The following SLC35F1 variants were observed in gnomAD, a reference collection of about 807,000 sequenced individuals.
SLC35F1 encodes the protein chromosome 6 open reading frame 169.
SLC35F1 carries 14 observed loss-of-function variants against 48.7 expected under a neutral mutation model. That is an observed-to-expected ratio of 0.29 (90% CI 0.19 to 0.45). The LOEUF is 0.45. Ranked by LOEUF, SLC35F1 falls within the 20% of genes least tolerant of loss-of-function variation. The pLI is 1.00. For missense variants in SLC35F1, 404 were observed against 500.0 expected (o/e 0.81, Z 1.83); for synonymous variants, 190 against 202.2 (o/e 0.94, Z 0.51).
intron 1 of SLC35F1, among the ~76,000 whole-genome samples, chr6:117,980,989 C>T (rs186929230): frequency 3.5e-4 from 54 of 152,156 alleles, no homozygotes; most frequent in Non-Finnish European, 6.2e-4. Context: ...TGTAGGAATA[C>T]CAGTTAGTGG....
intron 1 of SLC35F1, among the ~76,000 whole-genome samples, chr6:118,077,688 T>A (rs1452170410): frequency 6.6e-6 from 1 of 152,100 alleles, no homozygotes; most frequent in African/African-American, 2.4e-5. Context: ...ATTTAGAAGC[T>A]TTGTCAGCAT....
At chr6:118,289,742 C>T (rs1014333938) in intron 7 of SLC35F1, among the ~76,000 whole-genome samples, 1 of 152,094 alleles carries the variant, frequency 6.6e-6, no homozygotes, top group African/African-American at 2.4e-5. Context: ...AAATATAAAA[C>T]ATAGTCATGC....
chr6:118,216,337 A>C (rs370161222), intron 2 of SLC35F1, among the ~76,000 whole-genome samples: 8 of 151,810 alleles, frequency 5.3e-5, no homozygotes, highest in Middle Eastern at 3.4e-3. Flanking sequence ...GATTACAGGC[A>C]TGAGCCACAG....
At chr6:118,055,122 G>A (rs1772445987) in intron 1 of SLC35F1, among the ~76,000 whole-genome samples, 1 of 152,194 alleles carries the variant, frequency 6.6e-6, no homozygotes, top group Non-Finnish European at 1.5e-5. Context: ...TATTGAAAGA[G>A]TATTTGGATA....
At chr6:117,943,732 T>C (rs1776261429) in intron 1 of SLC35F1, among the ~76,000 whole-genome samples, 1 of 152,196 alleles carries the variant, frequency 6.6e-6, no homozygotes, top group African/African-American at 2.4e-5. Flanking sequence ...AAGTTTCCCA[T>C]ATTTGTAGGT....
At chr6:118,281,204 C>CTCTATATA (rs367855949) in intron 6 of SLC35F1, among the ~76,000 whole-genome samples, 1,940 of 130,390 alleles carry the variant, frequency 0.015, 20 homozygotes, top group African/African-American at 0.018. Flanking sequence ...CTCTCTCTCT[C>CTCTATATA]TATATATATA....
chr6:118,292,637 G>A (rs1222787571), intron 7 of SLC35F1, among the ~76,000 whole-genome samples: 2 of 151,690 alleles, frequency 1.3e-5, no homozygotes, highest in Admixed American at 6.6e-5. Context: ...TATCCACGCA[G>A]AACTAAATGA....
intron 1 of SLC35F1, among the ~76,000 whole-genome samples, chr6:117,908,276 C>G (rs1195728346): frequency 6.6e-6 from 1 of 152,198 alleles, no homozygotes. Flanking sequence ...GGGACCCGGC[C>G]AGGGCTGAGG....
intron 2 of SLC35F1, among the ~76,000 whole-genome samples, chr6:118,225,028 C>T (rs1266230596): frequency 1.3e-5 from 2 of 152,072 alleles, no homozygotes; most frequent in Non-Finnish European, 2.9e-5. Context: ...TTGAAGAGGA[C>T]ACACAAAAAA....
intron 1 of SLC35F1, among the ~76,000 whole-genome samples, chr6:117,993,185 T>G (rs1191770481): frequency 6.6e-6 from 1 of 152,150 alleles, no homozygotes; most frequent in Non-Finnish European, 1.5e-5. Flanking sequence ...TGGCCAGAGC[T>G]GGGGCATAGC....
intron 1 of SLC35F1, among the ~76,000 whole-genome samples, chr6:118,145,418 A>T (rs924998330): frequency 1.3e-5 from 2 of 152,220 alleles, no homozygotes; most frequent in Admixed American, 6.5e-5. Context: ...TTGTTGATTT[A>T]AAAATAATTC....
intron 1 of SLC35F1, among the ~76,000 whole-genome samples, chr6:117,947,419 C>G (rs1458811990): frequency 6.6e-6 from 1 of 152,126 alleles, no homozygotes; most frequent in Non-Finnish European, 1.5e-5. Flanking sequence ...TTACTCCTAG[C>G]ACAATGAGTC....
At chr6:118,069,442 A>T in intron 1 of SLC35F1, among the ~76,000 whole-genome samples, 1 of 152,206 alleles carries the variant, frequency 6.6e-6, no homozygotes, top group Non-Finnish European at 1.5e-5. Flanking sequence ...GTATTATTTA[A>T]TATCTTTTTT....
chr6:117,945,822 G>A (rs1411743224), intron 1 of SLC35F1, among the ~76,000 whole-genome samples: 1 of 152,108 alleles, frequency 6.6e-6, no homozygotes, highest in Non-Finnish European at 1.5e-5. Context: ...TTTAATTTTG[G>A]AAAAAGTGTA....
intron 7 of SLC35F1, among the ~76,000 whole-genome samples, chr6:118,303,311 C>T (rs970493508): frequency 1.3e-5 from 2 of 152,170 alleles, no homozygotes; most frequent in African/African-American, 4.8e-5. Context: ...AAGTTGAGTC[C>T]TTCCCCTATG....
At chr6:117,999,186 C>G in intron 1 of SLC35F1, 1 of 1,595,052 alleles carries the variant, frequency 6.3e-7, no homozygotes, top group South Asian at 1.1e-5. Context: ...CGTGCCGAGG[C>G]TATCAAGGCC....
At chr6:118,066,196 A>C (rs1377219680) in intron 1 of SLC35F1, among the ~76,000 whole-genome samples, 1 of 152,208 alleles carries the variant, frequency 6.6e-6, no homozygotes, top group Non-Finnish European at 1.5e-5. Flanking sequence ...AATTTGGCTT[A>C]TTTCTAATAT....
rs180965005 is a variant in SLC35F1, at chr6:118,206,872, T to C, written c.350-28637T>C. On this transcript the variant is annotated intron_variant, in intron 2 of 7. Transcript: ENST00000360388. The stretch of plus-strand genomic sequence containing the variant: ...TTTCCCTGCTGAAGCTCTTAGCATT[T>C]AGAAAATTCAGGATTAAACAACTTG... Among the ~76,000 whole-genome samples, 296 of 152,314 alleles carry C rather than the reference T, an allele frequency of 1.9e-3. 3 individuals carry two copies. The highest frequency in any genetic ancestry group is 3.3e-3 in the Non-Finnish European group (224 of 68,030).
intron 3 of SLC35F1, among the ~76,000 whole-genome samples, chr6:118,250,880 G>C (rs1458425622): frequency 6.6e-6 from 1 of 152,058 alleles, no homozygotes; most frequent in Non-Finnish European, 1.5e-5. Flanking sequence ...ACTGAGAATG[G>C]CTTGAACCCA....
Sources: gnomAD v4.1 joint callset for allele counts (sites outside exome capture counted in the v4.1 genomes callset) on GRCh38, gnomAD v4.1.1 for gene constraint, MANE v1.5 for transcripts, NCBI Gene and HGNC (gene_info 2026-07-23, HGNC 2026-07-21) for gene names.